Variants in TDRD1 observed in about 807,000 individuals in gnomAD.
The protein encoded by TDRD1 is tudor domain containing 1.
TDRD1 carries 37 observed loss-of-function variants against 140.6 expected under a neutral mutation model. The observed-to-expected ratio is 0.26, with a 90% confidence interval of 0.20 to 0.35. The LOEUF is 0.35. Ranked by LOEUF, TDRD1 falls within the 10% of genes least tolerant of loss-of-function variation. The pLI is 1.00. For missense variants in TDRD1, 1,243 were observed against 1,393.0 expected, an observed-to-expected ratio of 0.89 and a Z score of 1.71; for synonymous variants, 506 against 475.7, an observed-to-expected ratio of 1.06 and a Z score of -0.83.
chr10:114,195,801 T>C lies in TDRD1; in HGVS notation c.385-3372T>C, dbSNP rs574347901. ...ATTTGATGTAATTAATACTTGAGTT[T>C]ATGCCATTTGTTTTCTGTTCTTTTT... On this transcript the variant is annotated intron_variant, in intron 3 of 25. Coordinates refer to ENST00000251864, the Ensembl canonical transcript of TDRD1. 5.9e-5 allele frequency among the ~76,000 whole-genome samples: 9 copies of C among 152,352 alleles called. No homozygotes were observed. In the South Asian group the frequency reaches 1.9e-3, roughly 32 times the overall value.
chr10:114,202,978 G>T, intron 6 of TDRD1, 94 bp from the exon 7 acceptor site: 1 of 799,216 alleles, frequency 1.3e-6, no homozygotes, highest in Non-Finnish European at 2.2e-6. Flanking sequence ...TAAGAGTTAG[G>T]ATATTGTGAC....
rs573456502 is a variant in TDRD1, at chr10:114,208,299, A to G, written c.1384+1969A>G. Among the ~76,000 whole-genome samples, 8 of 152,324 alleles carry G rather than the reference A, an allele frequency of 5.3e-5. No individual in the cohort carries two copies. In the South Asian group the frequency reaches 1.7e-3, roughly 32 times the overall value. ...GGAGCCTTGAGATACCTCTGGATTC[A>G]GTTTGTTGGATTCAAGTAATGTTGG... On this transcript the variant is annotated intron_variant, in intron 11 of 25. Coordinates refer to ENST00000251864, the Ensembl canonical transcript of TDRD1.
chr10:114,229,112 A>C (rs1040902253), intron 25 of TDRD1, among the ~76,000 whole-genome samples: 7 of 145,028 alleles, frequency 4.8e-5, no homozygotes, highest in Non-Finnish European at 9.1e-5. Context: ...AAAAAAAAAA[A>C]CAACCTCTAA....
rs775699502 is a variant in TDRD1, at chr10:114,222,647, A to G, written c.2951A>G (p.Lys984Arg). 6 of 1,613,548 alleles carry G rather than the reference A, an allele frequency of 3.7e-6. No individual in the cohort carries two copies. The Admixed American group carries it at 8.3e-5, about 22-fold the overall frequency. Residue 984 changes from lysine to arginine, a missense_variant, in exon 21 of 26, where the codon AAA becomes AGA. This residue lies in a region of TDRD1 where 601 missense variants were observed against 734.7 expected (regional missense o/e 0.82). Coordinates refer to ENST00000251864, the Ensembl canonical transcript of TDRD1. ...TTATTAGAATACTGCAATGCTCCGA[A>G]AAGTCGACCACCCTATAGACCAAGA...
intron 1 of TDRD1, among the ~76,000 whole-genome samples, chr10:114,180,785 A>T (rs12251256): frequency 0.16 from 24,221 of 152,194 alleles, 2,107 homozygotes; most frequent in African/African-American, 0.23. Context: ...GTTTTCTTTG[A>T]GTAGAATGGT....
exon 10 of TDRD1, chr10:114,204,835 C>A: frequency 1.3e-6 from 2 of 1,597,094 alleles, no homozygotes; most frequent in South Asian, 1.2e-5. Context: ...TAAAGATTGT[C>A]GACATCTTGG....
chr10:114,179,367 C>T (rs1279855646), exon 1 of TDRD1: 1 of 152,552 alleles, frequency 6.6e-6, no homozygotes, highest in Non-Finnish European at 1.5e-5. Context: ...GCCATCACCG[C>T]CAGACCGCAG....
intron 19 of TDRD1, 109 bp downstream of exon 19, chr10:114,220,952 C>A: frequency 1.4e-6 from 1 of 689,912 alleles, no homozygotes. Context: ...ATATGCTTTA[C>A]GGACATAGAT....
At chr10:114,228,518 T>C (rs573427383) in intron 25 of TDRD1, 11 of 994,384 alleles carry the variant, frequency 1.1e-5, no homozygotes, top group Non-Finnish European at 1.3e-5. Flanking sequence ...TAAATATGTT[T>C]AGCACTTTTT....
At chr10:114,186,384 C>T (rs994072454) in intron 1 of TDRD1, among the ~76,000 whole-genome samples, 1 of 152,098 alleles carries the variant, frequency 6.6e-6, no homozygotes, top group Non-Finnish European at 1.5e-5. Context: ...CTGCCTCAGC[C>T]TCCTGAGTAG....
At chr10:114,218,318 C>T in intron 17 of TDRD1, 96 bp from the exon 18 acceptor site, 1 of 840,104 alleles carries the variant, frequency 1.2e-6, no homozygotes, top group South Asian at 3.7e-5. Context: ...AATTTATTAC[C>T]TACTTTTAGA....
At chr10:114,228,714 C>T in intron 25 of TDRD1, 7 of 985,374 alleles carry the variant, frequency 7.1e-6, no homozygotes, top group Non-Finnish European at 8.4e-6. Flanking sequence ...CACCCCACCC[C>T]CATATTTTAA....
chr10:114,200,619 G>T (rs187663647), intron 4 of TDRD1, among the ~76,000 whole-genome samples: 1 of 152,048 alleles, frequency 6.6e-6, no homozygotes, highest in African/African-American at 2.4e-5. Flanking sequence ...TGCCTCCTGG[G>T]TTCAGGCGAT....
chr10:114,198,128 A>G (rs1483733126), intron 3 of TDRD1, among the ~76,000 whole-genome samples: 1 of 152,162 alleles, frequency 6.6e-6, no homozygotes, highest in East Asian at 1.9e-4. Context: ...GCTTCACAAG[A>G]GGCCTCAACT....
chr10:114,198,653 C>A (rs1250229637), intron 3 of TDRD1, among the ~76,000 whole-genome samples: 1 of 151,962 alleles, frequency 6.6e-6, no homozygotes, highest in Non-Finnish European at 1.5e-5. Context: ...TAAATTTTTT[C>A]TTTTAAATGA....
At chr10:114,201,729 A>G (rs1325724092) in intron 5 of TDRD1, among the ~76,000 whole-genome samples, 1 of 152,208 alleles carries the variant, frequency 6.6e-6, no homozygotes, top group Non-Finnish European at 1.5e-5. Context: ...TATAACCTTC[A>G]AAGAGTTTTT....
intron 1 of TDRD1, among the ~76,000 whole-genome samples, chr10:114,186,204 A>G (rs1334547132): frequency 2.0e-5 from 3 of 151,970 alleles, no homozygotes; most frequent in Non-Finnish European, 4.4e-5. Context: ...CATTCTTTGT[A>G]TTTCTTATAC....
intron 25 of TDRD1, among the ~76,000 whole-genome samples, chr10:114,229,694 G>A (rs1006861277): frequency 2.7e-5 from 4 of 150,720 alleles, no homozygotes; most frequent in Non-Finnish European, 5.9e-5. Context: ...GACTACAGGC[G>A]CACACTGCCA....
intron 3 of TDRD1, among the ~76,000 whole-genome samples, chr10:114,192,944 A>C (rs77253140): frequency 0.011 from 1,687 of 152,312 alleles, 19 homozygotes; most frequent in African/African-American, 0.039. Context: ...GCCTTCCAAC[A>C]TACAGTTTAG....
Sources: gnomAD v4.1 joint callset for allele counts (sites outside exome capture counted in the v4.1 genomes callset) on GRCh38, gnomAD v4.1.1 for gene constraint, gnomAD v4.1.1 regional missense constraint, MANE v1.5 for transcripts, NCBI Gene and HGNC (gene_info 2026-07-23, HGNC 2026-07-21) for gene names.